TMEM117: variants seen among roughly 807,000 people sequenced by gnomAD.
TMEM117 encodes transmembrane protein 117.
TMEM117 carries 27 observed loss-of-function variants against 52.4 expected under a neutral mutation model. The ratio of observed to expected loss-of-function variants is 0.51; its 90% confidence interval spans 0.38 to 0.71. TMEM117 has a LOEUF of 0.71. Among genes scored for constraint, TMEM117 ranks in the 30% least tolerant of loss-of-function variants. The pLI is 0.00. For synonymous variants in TMEM117, 215 were observed against 206.3 expected (o/e 1.04, Z -0.36); for missense variants, 556 against 630.5 (o/e 0.88, Z 1.26).
At chr12:44,319,067 A>G (rs558927907) in intron 6 of TMEM117, among the ~76,000 whole-genome samples, 1 of 152,170 alleles carries the variant, frequency 6.6e-6, no homozygotes, top group Non-Finnish European at 1.5e-5. Flanking sequence ...CAATTCCAGC[A>G]CCTACAACTG....
At chr12:43,996,515 C>T (rs1266211707) in intron 3 of TMEM117, among the ~76,000 whole-genome samples, 4 of 151,890 alleles carry the variant, frequency 2.6e-5, no homozygotes, top group African/African-American at 9.7e-5. Context: ...TGGTGGCGGG[C>T]GCCTGTAGTC....
chr12:44,291,702 G>A (rs1950708077), intron 5 of TMEM117, among the ~76,000 whole-genome samples: 1 of 151,816 alleles, frequency 6.6e-6, no homozygotes, highest in South Asian at 2.1e-4. Context: ...TTTTTATCAT[G>A]GAATAATGCT....
intron 3 of TMEM117, among the ~76,000 whole-genome samples, chr12:44,137,128 C>T (rs1371303291): frequency 1.3e-5 from 2 of 150,218 alleles, no homozygotes; most frequent in African/African-American, 2.5e-5. Context: ...ATGTTTATTA[C>T]CCTTGATGAA....
intron 2 of TMEM117, among the ~76,000 whole-genome samples, chr12:43,929,031 T>C (rs891017299): frequency 1.4e-4 from 21 of 151,662 alleles, no homozygotes; most frequent in African/African-American, 5.1e-4. Context: ...TCTTTGCTAT[T>C]GTGAATAGTG....
chr12:44,005,045 C>T (rs1186275797), intron 3 of TMEM117, among the ~76,000 whole-genome samples: 3 of 152,136 alleles, frequency 2.0e-5, no homozygotes, highest in Non-Finnish European at 2.9e-5. Flanking sequence ...AAGAAAGTTC[C>T]AAATGTTTAG....
intron 3 of TMEM117, among the ~76,000 whole-genome samples, chr12:44,030,865 T>C (rs1592456169): frequency 2.0e-5 from 3 of 148,376 alleles, no homozygotes; most frequent in Non-Finnish European, 3.0e-5. Context: ...TGTGAATATA[T>C]TGGCTAAAGT....
chr12:44,078,849 T>C (rs946519323), intron 3 of TMEM117, among the ~76,000 whole-genome samples: 2 of 150,858 alleles, frequency 1.3e-5, no homozygotes, highest in Admixed American at 6.6e-5. Context: ...TCTAATGCTA[T>C]CCCTCCCCTA....
intron 3 of TMEM117, among the ~76,000 whole-genome samples, chr12:44,071,071 G>A (rs916202202): frequency 6.6e-6 from 1 of 152,182 alleles, no homozygotes; most frequent in Admixed American, 6.5e-5. Context: ...TGTAAAGAAA[G>A]TATATTTCAT....
intron 5 of TMEM117, among the ~76,000 whole-genome samples, chr12:44,238,720 T>TGTAAAGACAAA (rs1385813329): frequency 2.0e-5 from 3 of 152,202 alleles, no homozygotes; most frequent in African/African-American, 7.2e-5. Flanking sequence ...TCTTATAGCA[T>TGTAAAGACAAA]GTAAAGACAA....
chr12:43,873,922 T>G (rs910443343), intron 2 of TMEM117, among the ~76,000 whole-genome samples: 4 of 152,126 alleles, frequency 2.6e-5, no homozygotes, highest in Non-Finnish European at 4.4e-5. Flanking sequence ...TCCAACTGCC[T>G]TTTGATCATT....
chr12:44,260,005 C>T (rs527718645), intron 5 of TMEM117, among the ~76,000 whole-genome samples: 1 of 152,226 alleles, frequency 6.6e-6, no homozygotes, highest in African/African-American at 2.4e-5. Context: ...CCATGTGAAA[C>T]CTCCCTTGAC....
intron 2 of TMEM117, among the ~76,000 whole-genome samples, chr12:43,849,434 G>A (rs953400001): frequency 4.6e-5 from 7 of 152,134 alleles, no homozygotes; most frequent in African/African-American, 1.4e-4. Flanking sequence ...AGGACATTTG[G>A]TTTTGTAATT....
intron 5 of TMEM117, among the ~76,000 whole-genome samples, chr12:44,276,080 A>G (rs11182453): frequency 0.19 from 28,294 of 152,100 alleles, 3,824 homozygotes; most frequent in African/African-American, 0.38. Context: ...CACCTACTAC[A>G]TACCCACAAA....
intron 5 of TMEM117, among the ~76,000 whole-genome samples, chr12:44,229,778 C>T (rs1223019420): frequency 6.6e-6 from 1 of 152,056 alleles, no homozygotes; most frequent in African/African-American, 2.4e-5. Context: ...CAAGTGTTAG[C>T]TTTAACTACA....
intron 3 of TMEM117, among the ~76,000 whole-genome samples, chr12:44,049,506 G>C (rs1946934886): frequency 6.7e-6 from 1 of 150,288 alleles, no homozygotes; most frequent in South Asian, 2.1e-4. Context: ...TAACAAACCT[G>C]CACATTCTGC....
chr12:44,275,723 C>T lies in TMEM117; in HGVS notation c.609-23857C>T, dbSNP rs1950503645. 2.0e-5 allele frequency among the ~76,000 whole-genome samples: 3 copies of T among 151,694 alleles called. No individual in the cohort carries two copies. The South Asian group carries it at 6.2e-4, about 32-fold the overall frequency. On this transcript the variant is annotated intron_variant, in intron 5 of 7. Transcript: ENST00000266534. ...CAAATAAGAACATCGCATGTTTTCA[C>T]TTATTTTTGGGATCCAAAAATCAAA... is the stretch of plus-strand genomic sequence containing the variant.
intron 3 of TMEM117, among the ~76,000 whole-genome samples, chr12:43,974,244 A>G (rs1321878336): frequency 6.6e-6 from 1 of 152,176 alleles, no homozygotes; most frequent in Non-Finnish European, 1.5e-5. Context: ...TGGAGACTGC[A>G]GTGTCTAGAG....
chr12:44,093,603 A>G (rs1947709938), intron 3 of TMEM117, among the ~76,000 whole-genome samples: 1 of 152,128 alleles, frequency 6.6e-6, no homozygotes. Flanking sequence ...AACCATGGGA[A>G]GTTTCTTTTT....
chr12:44,021,501 T>A (rs1946455468), intron 3 of TMEM117, among the ~76,000 whole-genome samples: 1 of 152,224 alleles, frequency 6.6e-6, no homozygotes, highest in African/African-American at 2.4e-5. Flanking sequence ...GTTGTTTACT[T>A]CTTCATAGCA....
Sources: allele counts gnomAD v4.1 joint callset (sites outside exome capture counted in the v4.1 genomes callset), GRCh38; gene constraint gnomAD v4.1.1; transcripts MANE v1.5; gene names NCBI Gene and HGNC (gene_info 2026-07-23, HGNC 2026-07-21).